Variants in SCN8A observed in about 807,000 individuals in gnomAD.
SCN8A encodes sodium channel protein type 8 subunit alpha.
SCN8A carries 30 observed loss-of-function variants against 184.1 expected under a neutral mutation model. The ratio of observed to expected loss-of-function variants is 0.16; its 90% CI spans 0.12 to 0.22. The LOEUF (loss-of-function observed/expected upper bound fraction) is 0.22, where lower values mean the gene tolerates loss of function less well. Among genes scored for constraint, SCN8A ranks in the 10% least tolerant of loss-of-function variants. The pLI, the probability that SCN8A is intolerant of heterozygous loss-of-function variation, is 1.00. For missense variants in SCN8A, 1,057 were observed against 2,498.9 expected (o/e 0.42, Z 12.30); for synonymous variants, 852 against 907.0 (o/e 0.94, Z 1.09).
At chr12:51,653,046 G>A (rs755572648) in intron 1 of SCN8A, among the ~76,000 whole-genome samples, 2 of 152,092 alleles carry the variant, frequency 1.3e-5, no homozygotes, top group East Asian at 1.9e-4. Context: ...TGGGCCAAGC[G>A]AGGTGGCTCA....
At position 51,685,546 on chromosome 12, in the gene SCN8A, T is replaced by G. The variant is rs923049546; in HGVS notation, c.396-822T>G. Among the ~76,000 whole-genome samples the G allele has an allele frequency of 2.6e-5, 4 of 152,194 alleles. No homozygotes were observed. In the East Asian group the frequency reaches 7.7e-4, roughly 29 times the overall value. ...GATGGAAATGAAATGGCAGTATGGT[T>G]TGCTATCCATAAACATTCCTGGACA... On this transcript the variant is annotated intron_variant, in intron 3 of 26. Transcript: ENST00000627620.
chr12:51,633,239 A>G (rs1304580463), intron 1 of SCN8A, among the ~76,000 whole-genome samples: 1 of 152,208 alleles, frequency 6.6e-6, no homozygotes, highest in Non-Finnish European at 1.5e-5. Flanking sequence ...ATGTGTGTGC[A>G]TACTCATATA....
At chr12:51,781,319 C>T (rs1937914235) in intron 21 of SCN8A, among the ~76,000 whole-genome samples, 2 of 152,084 alleles carry the variant, frequency 1.3e-5, no homozygotes, top group Non-Finnish European at 2.9e-5. Context: ...ATTCAGATTC[C>T]TCTTATTGCA....
At chr12:51,801,384 T>C (rs576620855) in intron 26 of SCN8A, among the ~76,000 whole-genome samples, 9 of 152,272 alleles carry the variant, frequency 5.9e-5, no homozygotes, top group African/African-American at 2.2e-4. Flanking sequence ...CACAAATCTG[T>C]TTTGCAAGCT....
rs76158358 is a variant in SCN8A at position 51,667,315 on chromosome 12, T to C, written c.276+4222T>C. 4.1e-3 allele frequency among the ~76,000 whole-genome samples: 626 copies of C among 152,258 alleles called. 7 individuals carry two copies. The highest frequency in any genetic ancestry group is 0.014 in the African/African-American group (602 of 41,554). ...AAAGCCTTTGTTCTTGTTTTTTTCC[T>C]GTTGTTTTCTTAAACCTATTGAAGT... On this transcript the variant is annotated intron_variant, in intron 2 of 26. Transcript: ENST00000627620.
At chr12:51,746,520 C>G (rs1198729243) in intron 13 of SCN8A, among the ~76,000 whole-genome samples, 1 of 152,212 alleles carries the variant, frequency 6.6e-6, no homozygotes, top group Non-Finnish European at 1.5e-5. Context: ...GCACCTAGTT[C>G]TGTCTCTCTT....
At chr12:51,724,056 C>T (rs1942117563) in intron 12 of SCN8A, among the ~76,000 whole-genome samples, 1 of 152,188 alleles carries the variant, frequency 6.6e-6, no homozygotes, top group African/African-American at 2.4e-5. Flanking sequence ...CGTTGCTCTT[C>T]TCAAGACCTA....
At chr12:51,641,970 G>T (rs1467287774) in intron 1 of SCN8A, among the ~76,000 whole-genome samples, 5 of 152,174 alleles carry the variant, frequency 3.3e-5, no homozygotes, top group Non-Finnish European at 7.3e-5. Context: ...TTGAAAAGAA[G>T]ATGCATTGGA....
chr12:51,744,599 G>A (rs971166279), intron 12 of SCN8A, among the ~76,000 whole-genome samples: 2 of 151,110 alleles, frequency 1.3e-5, no homozygotes, highest in East Asian at 1.9e-4. Flanking sequence ...TCAGTGAAAC[G>A]GTCTGATGAA....
chr12:51,774,565 G>C (rs1212243912), intron 20 of SCN8A, among the ~76,000 whole-genome samples: 1 of 152,198 alleles, frequency 6.6e-6, no homozygotes, highest in African/African-American at 2.4e-5. Context: ...GCTCCAGGGG[G>C]ACTAACCAAC....
intron 12 of SCN8A, among the ~76,000 whole-genome samples, chr12:51,725,128 T>G (rs959055184): frequency 3.3e-5 from 5 of 152,192 alleles, no homozygotes; most frequent in African/African-American, 1.2e-4. Context: ...CAAGACCATA[T>G]CATTCCCAAG....
At chr12:51,689,379 C>T (rs989854139) in intron 6 of SCN8A, 2 of 369,714 alleles carry the variant, frequency 5.4e-6, no homozygotes, top group Admixed American at 8.4e-5. Context: ...ACAGAGCTAG[C>T]TGTCTCTTTG....
intron 2 of SCN8A, among the ~76,000 whole-genome samples, chr12:51,671,546 T>C (rs1463449007): frequency 6.6e-6 from 1 of 152,218 alleles, no homozygotes; most frequent in Non-Finnish European, 1.5e-5. Context: ...TGCAATCTTA[T>C]CATAACAAAA....
intron 1 of SCN8A, among the ~76,000 whole-genome samples, chr12:51,628,965 A>C (rs1940138690): frequency 6.6e-6 from 1 of 152,156 alleles, no homozygotes; most frequent in Non-Finnish European, 1.5e-5. Flanking sequence ...TGTATAGACA[A>C]GTTTCTGAAA....
At position 51,715,759 on chromosome 12, in the gene SCN8A, T is replaced by C. The variant is rs543877201; in HGVS notation, c.1636-5787T>C. 3.3e-5 allele frequency among the ~76,000 whole-genome samples: 5 copies of C among 151,804 alleles called. No individual in the cohort carries two copies. The East Asian group carries it at 9.7e-4, about 29-fold the overall frequency. ...TGAAGGCCTAATGTACCAGGTAGTA[T>C]CAGCACCCAGCATTGACCTAAGGCA... On this transcript the variant is annotated intron_variant, in intron 11 of 26. Coordinates refer to ENST00000627620, the MANE Select transcript of SCN8A (RefSeq NM_001330260.2).
At position 51,642,864 on chromosome 12, in the gene SCN8A, C is replaced by T. The variant is rs4761826; in HGVS notation, c.-54-19900C>T. Reference sequence around the variant, plus strand: ...CTTCTGAATTTGGTCAGTAGGATATCCTCCAGTAACCATTTAGTGGGTCTG... The same window carrying T: ...CTTCTGAATTTGGTCAGTAGGATATTCTCCAGTAACCATTTAGTGGGTCTG... On this transcript the variant is annotated intron_variant, in intron 1 of 26. Transcript: ENST00000627620. 5.6e-3 allele frequency among the ~76,000 whole-genome samples: 854 copies of T among 151,938 alleles called. 6 individuals are homozygous for T. The highest frequency in any genetic ancestry group is 0.012 in the Admixed American group (180 of 15,270).
chr12:51,725,137 AG>A (rs1942136506), intron 12 of SCN8A, among the ~76,000 whole-genome samples: 1 of 152,336 alleles, frequency 6.6e-6, no homozygotes, highest in East Asian at 1.9e-4. Flanking sequence ...ATCATTCCCA[AG>A]GGCCTCATAA....
At chr12:51,683,061 CTT>C (rs1941362770) in intron 2 of SCN8A, among the ~76,000 whole-genome samples, 1 of 152,280 alleles carries the variant, frequency 6.6e-6, no homozygotes, top group Admixed American at 6.5e-5. Flanking sequence ...AGCTCACTCT[CTT>C]TTTTATTTCC....
intron 1 of SCN8A, among the ~76,000 whole-genome samples, chr12:51,654,412 A>G (rs1940780430): frequency 6.6e-6 from 1 of 152,204 alleles, no homozygotes; most frequent in African/African-American, 2.4e-5. Flanking sequence ...TTGCAAGTGA[A>G]TATCCAGTTT....
Sources: gnomAD v4.1 joint callset for allele counts (sites outside exome capture counted in the v4.1 genomes callset) on GRCh38, gnomAD v4.1.1 for gene constraint, MANE v1.5 for transcripts, NCBI Gene and HGNC (gene_info 2026-07-23, HGNC 2026-07-21) for gene names.